RARB: variants seen among roughly 807,000 people sequenced by gnomAD.
The protein encoded by RARB is HBV-activated protein.
RARB carries 17 observed loss-of-function variants against 51.9 expected under a neutral mutation model. The ratio of observed to expected loss-of-function variants is 0.33; its 90% CI spans 0.22 to 0.49. The LOEUF (loss-of-function observed/expected upper bound fraction) is 0.49, where lower values mean the gene tolerates loss of function less well. Among genes scored for constraint, RARB ranks in the 20% least tolerant of loss-of-function variants. RARB has a pLI of 0.99. For missense variants in RARB, 369 were observed against 550.8 expected (o/e 0.67, Z 3.30); for synonymous variants, 215 against 195.4 (o/e 1.10, Z -0.84).
chr3:25,403,159 T>TAAAA (rs1707310701), intron 5 of RARB, among the ~76,000 whole-genome samples: 1 of 78,316 alleles, frequency 1.3e-5, no homozygotes, highest in African/African-American at 5.4e-5. Flanking sequence ...AGACTGCATC[T>TAAAA]CAAAAAAAAA....
intron 2 of RARB, among the ~76,000 whole-genome samples, chr3:25,027,098 A>G (rs1163786263): frequency 2.0e-5 from 3 of 152,246 alleles, no homozygotes; most frequent in African/African-American, 7.2e-5. Context: ...TGAGTTATGT[A>G]GCCCTTAAGT....
chr3:25,377,013 T>TTTTGTTTG (rs1553609073), intron 5 of RARB, among the ~76,000 whole-genome samples: 3 of 137,868 alleles, frequency 2.2e-5, no homozygotes, highest in East Asian at 4.0e-4. Context: ...AATGTATTAG[T>TTTTGTTTG]TTAGTTTGTT....
At chr3:25,453,041 TAAGG>T (rs1477039713) in intron 1 of RARB, among the ~76,000 whole-genome samples, 1 of 152,134 alleles carries the variant, frequency 6.6e-6, no homozygotes, top group Non-Finnish European at 1.5e-5. Context: ...GAGTATTTAG[TAAGG>T]ACCTGTGCAA....
chr3:25,181,810 G>C (rs1398158896), intron 5 of RARB, among the ~76,000 whole-genome samples: 1 of 152,110 alleles, frequency 6.6e-6, no homozygotes, highest in African/African-American at 2.4e-5. Context: ...ACTCTTCTGA[G>C]AGTCATTCAT....
intron 2 of RARB, among the ~76,000 whole-genome samples, chr3:24,990,291 G>T (rs1208521582): frequency 2.4e-5 from 2 of 82,844 alleles, no homozygotes; most frequent in African/African-American, 4.8e-5. Flanking sequence ...TCGTCATTTA[G>T]CATTAGGTAT....
intron 5 of RARB, among the ~76,000 whole-genome samples, chr3:25,282,213 G>A (rs893944344): frequency 2.6e-5 from 4 of 152,168 alleles, no homozygotes; most frequent in Middle Eastern, 3.4e-3. Flanking sequence ...TCTTCCCTCC[G>A]TTGCCTTGCT....
At chr3:24,838,134 T>C (rs945859121) in intron 1 of RARB, among the ~76,000 whole-genome samples, 1 of 152,192 alleles carries the variant, frequency 6.6e-6, no homozygotes, top group Non-Finnish European at 1.5e-5. Flanking sequence ...ATTCTCAACT[T>C]TTAGAGCCAT....
chr3:25,330,025 A>G (rs2125444407), intron 5 of RARB, among the ~76,000 whole-genome samples: 1 of 152,332 alleles, frequency 6.6e-6, no homozygotes, highest in Middle Eastern at 3.4e-3. Flanking sequence ...TGAAAAGACC[A>G]AATCTACATC....
chr3:25,518,105 T>G (rs1010978786), intron 3 of RARB, among the ~76,000 whole-genome samples: 1 of 152,216 alleles, frequency 6.6e-6, no homozygotes, highest in African/African-American at 2.4e-5. Flanking sequence ...TAACACATTT[T>G]AAAAGGGCAA....
chr3:25,016,141 G>A (rs918395289), intron 2 of RARB, among the ~76,000 whole-genome samples: 9 of 152,274 alleles, frequency 5.9e-5, no homozygotes, highest in Admixed American at 2.6e-4. Context: ...CCTGCCTGTC[G>A]CTTGTAACAA....
intron 5 of RARB, among the ~76,000 whole-genome samples, chr3:25,211,858 A>C (rs796209618): frequency 9.2e-5 from 14 of 152,354 alleles, no homozygotes; most frequent in African/African-American, 3.1e-4. Flanking sequence ...TCATGATTTA[A>C]ACAATTACAA....
intron 3 of RARB, among the ~76,000 whole-genome samples, chr3:25,511,827 G>C (rs1370967963): frequency 1.3e-5 from 2 of 152,136 alleles, no homozygotes; most frequent in Non-Finnish European, 2.9e-5. Context: ...GGAGGGTCTT[G>C]CTTTTTTGCA....
At chr3:25,034,309 C>G (rs1697937996) in intron 2 of RARB, among the ~76,000 whole-genome samples, 1 of 152,018 alleles carries the variant, frequency 6.6e-6, no homozygotes, top group Admixed American at 6.5e-5. Context: ...GACCTTGTCA[C>G]AAGAAAAAAA....
At chr3:24,890,245 C>G (rs1211321357) in intron 2 of RARB, among the ~76,000 whole-genome samples, 2 of 152,150 alleles carry the variant, frequency 1.3e-5, no homozygotes, top group Non-Finnish European at 2.9e-5. Flanking sequence ...ATGACTCACT[C>G]TCCTCTCTTC....
intron 2 of RARB, among the ~76,000 whole-genome samples, chr3:25,057,303 T>C (rs899373982): frequency 1.3e-5 from 2 of 152,058 alleles, no homozygotes; most frequent in African/African-American, 2.4e-5. Flanking sequence ...TAAGGTAAGA[T>C]GCTCCATCAT....
chr3:25,243,849 C>T (rs577557717), intron 5 of RARB, among the ~76,000 whole-genome samples: 27 of 152,268 alleles, frequency 1.8e-4, no homozygotes, highest in African/African-American at 6.5e-4. Flanking sequence ...AGGAGTCTTT[C>T]TTTTTCTATT....
At chr3:25,053,690 G>C (rs942390417) in intron 2 of RARB, among the ~76,000 whole-genome samples, 2 of 152,168 alleles carry the variant, frequency 1.3e-5, no homozygotes, top group Non-Finnish European at 2.9e-5. Context: ...TGTTGATGGA[G>C]TTCTGATAGG....
chr3:25,380,232 A>C (rs1183100845), intron 5 of RARB, among the ~76,000 whole-genome samples: 4 of 152,182 alleles, frequency 2.6e-5, no homozygotes, highest in Admixed American at 2.0e-4. Context: ...TCCCAGAGTG[A>C]CAGGATCCTC....
chr3:25,481,228 A>G (rs138677644), intron 2 of RARB, among the ~76,000 whole-genome samples: 301 of 152,338 alleles, frequency 2.0e-3, no homozygotes, highest in African/African-American at 6.8e-3. Flanking sequence ...TTTTAAATCT[A>G]TTCTTTAAGT....
Sources: gnomAD v4.1 joint callset for allele counts (sites outside exome capture counted in the v4.1 genomes callset) on GRCh38, gnomAD v4.1.1 for gene constraint, MANE v1.5 for transcripts, NCBI Gene and HGNC (gene_info 2026-07-23, HGNC 2026-07-21) for gene names.